GMDS: variants seen among roughly 807,000 people sequenced by gnomAD.
GMDS encodes the protein GDP-mannose 4,6 dehydratase.
Under a neutral mutation model 49.9 loss-of-function variants are expected in GMDS, and 20 were observed. The ratio of observed to expected loss-of-function variants is 0.40; its 90% confidence interval spans 0.28 to 0.58. GMDS has a LOEUF of 0.58. Ranked by LOEUF, GMDS falls within the 20% of genes least tolerant of loss-of-function variation. GMDS has a pLI of 0.42. For missense variants in GMDS, 362 were observed against 481.4 expected (o/e 0.75, Z 2.32); for synonymous variants, 177 against 178.6 (o/e 0.99, Z 0.07).
intron 8 of GMDS, among the ~76,000 whole-genome samples, chr6:1,736,786 A>G (rs1223562718): frequency 6.6e-6 from 1 of 152,208 alleles, no homozygotes; most frequent in Admixed American, 6.5e-5. Flanking sequence ...GAACCCTTAG[A>G]AGTATGGCTC....
chr6:1,690,504 G>T (rs903891395), intron 9 of GMDS, among the ~76,000 whole-genome samples: 2 of 152,104 alleles, frequency 1.3e-5, no homozygotes, highest in Non-Finnish European at 2.9e-5. Context: ...TTTTTGTCAG[G>T]TCTGTTGAAG....
intron 10 of GMDS, 97 bp from the exon 11 acceptor site, chr6:1,624,328 C>G (rs1294757714): frequency 5.7e-5 from 74 of 1,306,392 alleles, no homozygotes; most frequent in Non-Finnish European, 7.9e-5. Context: ...CTCCGCGTCC[C>G]TCGTTCCAGC....
At chr6:1,665,131 G>A (rs1764199160) in intron 9 of GMDS, among the ~76,000 whole-genome samples, 1 of 152,102 alleles carries the variant, frequency 6.6e-6, no homozygotes, top group African/African-American at 2.4e-5. Flanking sequence ...AAGTTCTAGG[G>A]TACATGTGCA....
At chr6:1,693,230 T>A (rs570613879) in intron 9 of GMDS, among the ~76,000 whole-genome samples, 2 of 152,350 alleles carry the variant, frequency 1.3e-5, no homozygotes, top group East Asian at 1.9e-4. Flanking sequence ...TTCCCTCTAA[T>A]CCTTTTGGAT....
chr6:1,910,890 T>C (rs1211142841), intron 7 of GMDS, among the ~76,000 whole-genome samples: 1 of 152,206 alleles, frequency 6.6e-6, no homozygotes, highest in African/African-American at 2.4e-5. Context: ...TTTTAAACAT[T>C]GCTATTAAAA....
At chr6:2,037,483 C>T (rs1769370831) in intron 4 of GMDS, among the ~76,000 whole-genome samples, 1 of 152,128 alleles carries the variant, frequency 6.6e-6, no homozygotes. Flanking sequence ...ATGTCCCTCA[C>T]AATGGGGGAG....
chr6:1,711,464 T>C (rs941193687), intron 9 of GMDS, among the ~76,000 whole-genome samples: 1 of 152,202 alleles, frequency 6.6e-6, no homozygotes, highest in Non-Finnish European at 1.5e-5. Context: ...TGAGAAGAAA[T>C]GGGTTGCCTC....
chr6:1,992,279 T>C (rs1372231649), intron 4 of GMDS, among the ~76,000 whole-genome samples: 1 of 152,144 alleles, frequency 6.6e-6, no homozygotes, highest in Non-Finnish European at 1.5e-5. Context: ...TCTCACCCTG[T>C]CTAAAATCTC....
At chr6:1,906,238 G>A (rs1195676445) in intron 7 of GMDS, among the ~76,000 whole-genome samples, 1 of 152,154 alleles carries the variant, frequency 6.6e-6, no homozygotes, top group Non-Finnish European at 1.5e-5. Context: ...ATGCATATAA[G>A]CCATTCTGTG....
intron 1 of GMDS, among the ~76,000 whole-genome samples, chr6:2,213,957 C>G (rs1367931036): frequency 6.6e-6 from 1 of 152,164 alleles, no homozygotes; most frequent in East Asian, 1.9e-4. Flanking sequence ...TTAAAATAAA[C>G]CTGCCTTTGG....
intron 4 of GMDS, among the ~76,000 whole-genome samples, chr6:2,070,425 A>T (rs1238890099): frequency 1.3e-5 from 2 of 152,006 alleles, no homozygotes; most frequent in Non-Finnish European, 2.9e-5. Context: ...TAATAATAAT[A>T]AAAAAAAGAA....
intron 9 of GMDS, among the ~76,000 whole-genome samples, chr6:1,638,302 C>T (rs143620997): frequency 2.0e-5 from 3 of 152,160 alleles, no homozygotes; most frequent in Admixed American, 6.5e-5. Flanking sequence ...AATTCCACTG[C>T]TTTTCTCCAG....
chr6:1,800,599 A>G (rs1386710522), intron 7 of GMDS, among the ~76,000 whole-genome samples: 1 of 126,780 alleles, frequency 7.9e-6, no homozygotes, highest in Non-Finnish European at 1.7e-5. Context: ...ACCATGCCCA[A>G]TTAATTTTTC....
chr6:1,858,353 T>C (rs1285664853), intron 7 of GMDS, among the ~76,000 whole-genome samples: 2 of 152,188 alleles, frequency 1.3e-5, no homozygotes. Context: ...GCACCAAATA[T>C]GCTGTTAACC....
At chr6:1,851,429 ATAT>A (rs1338920437) in intron 7 of GMDS, among the ~76,000 whole-genome samples, 6 of 152,206 alleles carry the variant, frequency 3.9e-5, no homozygotes, top group Non-Finnish European at 5.9e-5. Flanking sequence ...AAACAATATA[ATAT>A]TATATTAAAG....
chr6:1,830,404 T>G (rs1771301216), intron 7 of GMDS, among the ~76,000 whole-genome samples: 1 of 152,190 alleles, frequency 6.6e-6, no homozygotes. Flanking sequence ...CTCCACACAT[T>G]GCCCTGGATT....
chr6:1,835,457 T>C (rs984948402), intron 7 of GMDS, among the ~76,000 whole-genome samples: 3 of 152,242 alleles, frequency 2.0e-5, no homozygotes, highest in Non-Finnish European at 4.4e-5. Context: ...TGAATTCTTA[T>C]TCTGCTTTTA....
At chr6:1,838,640 G>A (rs972491962) in intron 7 of GMDS, among the ~76,000 whole-genome samples, 1 of 152,174 alleles carries the variant, frequency 6.6e-6, no homozygotes, top group Non-Finnish European at 1.5e-5. Flanking sequence ...TACTGTGATT[G>A]GTATGAAGAG....
chr6:1,673,004 CTGTATTTTCAAACAGCA>C (rs1329608671), intron 9 of GMDS, among the ~76,000 whole-genome samples: 2 of 152,208 alleles, frequency 1.3e-5, no homozygotes, highest in Non-Finnish European at 2.9e-5. Flanking sequence ...GAAGTCTATA[CTGTATTTTCAAACAGCA>C]TGAAACAAAC....
Sources: allele counts gnomAD v4.1 joint callset (sites outside exome capture counted in the v4.1 genomes callset), GRCh38; gene constraint gnomAD v4.1.1; transcripts MANE v1.5; gene names NCBI Gene and HGNC (gene_info 2026-07-23, HGNC 2026-07-21).